CSMD3: variants seen among roughly 807,000 people sequenced by gnomAD.
The protein encoded by CSMD3 is CUB and sushi domain-containing protein 3.
Under a neutral mutation model 435.2 loss-of-function variants are expected in CSMD3, and 177 were observed. The ratio of observed to expected loss-of-function variants is 0.41; its 90% CI spans 0.36 to 0.46. The LOEUF (loss-of-function observed/expected upper bound fraction) is 0.46, where lower values mean the gene tolerates loss of function less well. Ranked by LOEUF, CSMD3 falls within the 20% of genes least tolerant of loss-of-function variation. CSMD3 has a pLI of 0.34. For synonymous variants in CSMD3, 1,656 were observed against 1,520.5 expected, an observed-to-expected ratio of 1.09 and a Z score of -2.07; for missense variants, 4,265 against 4,504.6, an observed-to-expected ratio of 0.95 and a Z score of 1.52.
At chr8:112,872,324 G>A (rs867397655) in intron 10 of CSMD3, among the ~76,000 whole-genome samples, 29 of 152,012 alleles carry the variant, frequency 1.9e-4, no homozygotes, top group South Asian at 4.1e-4. Context: ...AAGAATGGGA[G>A]TCTAATCCAT....
At chr8:112,904,088 C>A (rs561353652) in intron 10 of CSMD3, among the ~76,000 whole-genome samples, 6 of 151,362 alleles carry the variant, frequency 4.0e-5, no homozygotes, top group African/African-American at 9.7e-5. Context: ...TTTTTCCCCC[C>A]CAGAGACATG....
At position 112,517,059 on chromosome 8, in the gene CSMD3, C is replaced by T. The variant is rs2130987472; in HGVS notation, c.4731G>A (p.Trp1577Ter). ...TCIQVENRYF[W>*]QPSPPVCIAP... ...CTATACAGACTGGTGGGCTGGGCTG[C>T]CAGAAGTACCGATTTTCTACCTGAA... Residue 1577 changes from tryptophan to a stop codon, truncating the protein, a stop_gained, in exon 28 of 71, where the codon TGG becomes TGA. Coordinates refer to ENST00000297405, the MANE Select transcript of CSMD3 (RefSeq NM_198123.2). LOFTEE classifies it high-confidence loss of function. The T allele has an allele frequency of 6.2e-7, 1 of 1,613,524 alleles. No homozygotes were observed. The highest frequency in any genetic ancestry group is 8.5e-7 in the Non-Finnish European group (1 of 1,179,770).
intron 5 of CSMD3, among the ~76,000 whole-genome samples, chr8:113,041,901 T>C (rs1293844059): frequency 6.6e-6 from 1 of 152,202 alleles, no homozygotes; most frequent in East Asian, 1.9e-4. Flanking sequence ...AGATATTGAT[T>C]GATTTTTTCC....
At chr8:113,168,843 C>G (rs2092214035) in intron 4 of CSMD3, among the ~76,000 whole-genome samples, 1 of 151,986 alleles carries the variant, frequency 6.6e-6, no homozygotes, top group Non-Finnish European at 1.5e-5. Context: ...AGCATTTACT[C>G]ATATGTAATT....
intron 7 of CSMD3, among the ~76,000 whole-genome samples, chr8:112,960,439 CATA>C (rs750620579): frequency 1.3e-5 from 2 of 151,570 alleles, no homozygotes; most frequent in Non-Finnish European, 3.0e-5. Context: ...GTTTCTGTAG[CATA>C]ATTTTTAAAA....
chr8:112,599,974 C>G (rs1832170744), intron 22 of CSMD3, among the ~76,000 whole-genome samples: 1 of 149,908 alleles, frequency 6.7e-6, no homozygotes, highest in East Asian at 2.0e-4. Context: ...ACACATGTAA[C>G]TAACCTGCAC....
intron 3 of CSMD3, among the ~76,000 whole-genome samples, chr8:113,238,237 T>C (rs1242944647): frequency 6.6e-6 from 1 of 152,098 alleles, no homozygotes; most frequent in African/African-American, 2.4e-5. Flanking sequence ...GTAGGTTAGA[T>C]AGCTGAACCA....
intron 10 of CSMD3, among the ~76,000 whole-genome samples, chr8:112,910,718 G>A (rs1205229416): frequency 4.6e-5 from 7 of 151,672 alleles, no homozygotes; most frequent in Non-Finnish European, 7.4e-5. Context: ...GTCCTTTTCC[G>A]TCTACAAACC....
At chr8:112,691,146 T>C (rs1214531334) in intron 13 of CSMD3, among the ~76,000 whole-genome samples, 2 of 152,158 alleles carry the variant, frequency 1.3e-5, no homozygotes, top group African/African-American at 2.4e-5. Context: ...GTCAATATTA[T>C]TTTCTTTCTC....
In CSMD3 at chr8:112,240,080, T is replaced by A. The variant is rs1813976825; in HGVS notation, c.10468+1640A>T. 2.0e-5 allele frequency among the ~76,000 whole-genome samples: 3 copies of A among 152,106 alleles called. No homozygotes were observed. The South Asian group carries it at 6.2e-4, about 31-fold the overall frequency. ...TTTTCAAAATAACTACATTCTAATA[T>A]ATTTCTGTGTTGATGTCTTCTTTAA... is the stretch of plus-strand genomic sequence containing the variant. On this transcript the variant is annotated intron_variant, in intron 66 of 70. Transcript: ENST00000297405.
chr8:113,133,871 G>A (rs1372208390), intron 4 of CSMD3, among the ~76,000 whole-genome samples: 3 of 152,078 alleles, frequency 2.0e-5, no homozygotes, highest in African/African-American at 4.8e-5. Flanking sequence ...ACAGAAAGTA[G>A]AATGGTGATT....
At chr8:112,561,253 GA>G (rs1258178184) in intron 24 of CSMD3, among the ~76,000 whole-genome samples, 3 of 151,538 alleles carry the variant, frequency 2.0e-5, no homozygotes, top group African/African-American at 7.3e-5. Context: ...AGATGTGTAT[GA>G]AAAACCGTAT....
At chr8:112,882,341 G>C (rs537485647) in intron 10 of CSMD3, among the ~76,000 whole-genome samples, 41 of 152,080 alleles carry the variant, frequency 2.7e-4, no homozygotes, top group Non-Finnish European at 5.2e-4. Flanking sequence ...AAGAGACAAA[G>C]ATAAGACTAG....
In CSMD3 at chr8:112,352,419, A is replaced by T; in HGVS notation, c.6252T>A (p.Leu2084=). ...VSFQCDQGYS[L]QGHSHITCMP... ...CACAACTTTAAAATAGACTTACCTG[A>T]AGAGAATATCCTTGATCACACTGAA... The change falls in exon 39 of 71, where the codon CTT becomes CTA. Residue 2084 remains leucine, a synonymous_variant. Coordinates refer to ENST00000297405, the MANE Select transcript of CSMD3 (RefSeq NM_198123.2). 6.2e-7 allele frequency: 1 copy of T among 1,613,412 alleles called. No homozygotes were observed. The highest frequency in any genetic ancestry group is 8.5e-7 in the Non-Finnish European group (1 of 1,179,652).
At chr8:112,493,590 C>A (rs1188635087) in intron 30 of CSMD3, among the ~76,000 whole-genome samples, 1 of 152,048 alleles carries the variant, frequency 6.6e-6, no homozygotes, top group African/African-American at 2.4e-5. Flanking sequence ...GATTTTCTAT[C>A]CCTATGCAAA....
intron 53 of CSMD3, among the ~76,000 whole-genome samples, chr8:112,301,538 A>C (rs868826251): frequency 1.3e-5 from 2 of 152,128 alleles, no homozygotes; most frequent in African/African-American, 4.8e-5. Context: ...TTCAGCAATT[A>C]GTTTTCACCA....
At chr8:112,831,750 T>C (rs1290962605) in intron 11 of CSMD3, among the ~76,000 whole-genome samples, 1 of 152,170 alleles carries the variant, frequency 6.6e-6, no homozygotes, top group African/African-American at 2.4e-5. Context: ...CATTCCATTA[T>C]AGCACACTTT....
chr8:113,076,261 CT>C (rs2089332554), intron 5 of CSMD3, among the ~76,000 whole-genome samples: 1 of 151,380 alleles, frequency 6.6e-6, no homozygotes, highest in South Asian at 2.1e-4. Flanking sequence ...CACAATTATC[CT>C]TTTGAAGTTG....
At chr8:112,285,533 A>T (rs747356843) in intron 58 of CSMD3, among the ~76,000 whole-genome samples, 1 of 152,142 alleles carries the variant, frequency 6.6e-6, no homozygotes, top group African/African-American at 2.4e-5. Flanking sequence ...GGAAAGTTTG[A>T]TTGGGAATTA....
Sources: gnomAD v4.1 joint callset for allele counts (sites outside exome capture counted in the v4.1 genomes callset) on GRCh38, gnomAD v4.1.1 for gene constraint, MANE v1.5 for transcripts, NCBI Gene and HGNC (gene_info 2026-07-23, HGNC 2026-07-21) for gene names.